Variants in TMEM131 observed in about 807,000 individuals in gnomAD.
The protein encoded by TMEM131 is 2610524E03Rik.
Under a neutral mutation model 211.6 loss-of-function variants are expected in TMEM131, and 66 were observed. The observed-to-expected ratio is 0.31, with a 90% CI of 0.26 to 0.38. TMEM131 has a LOEUF of 0.38. TMEM131 is among the 10% of genes least tolerant of loss of function. TMEM131 has a pLI of 1.00. For missense variants in TMEM131, 2,036 were observed against 2,299.3 expected (o/e 0.89, Z 2.34); for synonymous variants, 844 against 841.3 (o/e 1.00, Z -0.06).
intron 1 of TMEM131, among the ~76,000 whole-genome samples, chr2:97,935,044 C>A (rs1677384062): frequency 6.6e-6 from 1 of 151,842 alleles, no homozygotes; most frequent in South Asian, 2.1e-4. Flanking sequence ...AAAACTTTGC[C>A]CTTCACATGA....
At chr2:97,775,813 CGT>C in intron 32 of TMEM131, 28 bp downstream of exon 32, 7 of 1,591,584 alleles carry the variant, frequency 4.4e-6, no homozygotes, top group Non-Finnish European at 6.0e-6. Context: ...CTTTCTCCCT[CGT>C]GTTTTGTTGT....
At chr2:97,953,775 CTATTTTAAAA>C (rs1355506064) in intron 1 of TMEM131, among the ~76,000 whole-genome samples, 5 of 152,166 alleles carry the variant, frequency 3.3e-5, no homozygotes, top group Non-Finnish European at 2.9e-5. Context: ...CAAACCCCAA[CTATTTTAAAA>C]TAATTAAAAT....
At chr2:97,943,047 A>AAGAAAGAAAGAG (rs1677854147) in intron 1 of TMEM131, among the ~76,000 whole-genome samples, 2 of 57,196 alleles carry the variant, frequency 3.5e-5, no homozygotes. Flanking sequence ...AAAAGAAAGA[A>AAGAAAGAAAGAG]AGAAAGAAAG....
At position 97,797,004 on chromosome 2, in the gene TMEM131, T is replaced by G. The variant is rs766093757; in HGVS notation, c.2871-18A>C. ...GGTTATTTCTATGCAAGAATGAGAA[T>G]TACAGATTTTTCTCTCATTAAATCT... On this transcript the variant is annotated intron_variant, in intron 26 of 40. Coordinates refer to ENST00000186436, the MANE Select transcript of TMEM131 (RefSeq NM_015348.2). The G allele has an allele frequency of 1.2e-6, 2 of 1,602,432 alleles. No individual in the cohort carries two copies. The highest frequency in any genetic ancestry group is 1.7e-5 in the Admixed American group (1 of 58,072).
chr2:97,910,759 T>C (rs766624285), intron 2 of TMEM131, among the ~76,000 whole-genome samples: 2 of 152,162 alleles, frequency 1.3e-5, no homozygotes, highest in Non-Finnish European at 2.9e-5. Flanking sequence ...GCTGCATAAA[T>C]GTCATTATTT....
Position 97,814,552 on chromosome 2 carries a change from C to A in TMEM131, c.1293-164G>T, listed in dbSNP as rs76259724. 3.5e-3 allele frequency among the ~76,000 whole-genome samples: 525 copies of A among 152,010 alleles called. 8 individuals are homozygous for A. In the East Asian group the frequency reaches 0.042, roughly 12 times the overall value. ...TAGTGATTGACTATATGATTTAAAACAAAATTTAGCTTGCAAAATACTGAA... is the reference window on the plus strand; with the variant it reads ...TAGTGATTGACTATATGATTTAAAAAAAAATTTAGCTTGCAAAATACTGAA... On this transcript the variant is annotated intron_variant, in intron 13 of 40. Coordinates refer to ENST00000186436, the MANE Select transcript of TMEM131 (RefSeq NM_015348.2).
At chr2:97,923,483 G>A (rs1474247123) in intron 2 of TMEM131, among the ~76,000 whole-genome samples, 2 of 151,796 alleles carry the variant, frequency 1.3e-5, no homozygotes, top group African/African-American at 2.4e-5. Context: ...TTAGCCAGAT[G>A]TGGTGGCATG....
intron 33 of TMEM131, among the ~76,000 whole-genome samples, chr2:97,767,202 A>G (rs539815614): frequency 6.6e-6 from 1 of 152,344 alleles, no homozygotes; most frequent in East Asian, 1.9e-4. Context: ...AAAATTAAAT[A>G]TATTTTTTAT....
Position 97,812,799 on chromosome 2 carries a change from C to T in TMEM131, c.1618-50G>A, listed in dbSNP as rs1438181116. 1.2e-5 allele frequency: 12 copies of T among 1,026,076 alleles called. No individual in the cohort carries two copies. In the East Asian group the frequency reaches 2.7e-4, roughly 23 times the overall value. The allele number at this position is 1,026,076 out of a possible 1,614,324, so 63.6% of individuals were successfully genotyped here. On this transcript the variant is annotated intron_variant, in intron 15 of 40. Transcript: ENST00000186436. ...TTAAAAAAAAGTCACATTGATCTAA[C>T]AATATTATGAAGAGAAAGTAACTAT...
intron 1 of TMEM131, among the ~76,000 whole-genome samples, chr2:97,937,189 C>T (rs2309314): frequency 0.029 from 4,438 of 151,992 alleles, 78 homozygotes; most frequent in Middle Eastern, 0.065. Context: ...ATGAGAACAA[C>T]GCTTCACCAA....
chr2:97,989,620 TC>T (rs1416196450), intron 1 of TMEM131, among the ~76,000 whole-genome samples: 2 of 152,196 alleles, frequency 1.3e-5, no homozygotes, highest in South Asian at 2.1e-4. Flanking sequence ...TGTGTTTTTT[TC>T]ACCAAGTTTC....
At position 97,766,488 on chromosome 2, in the gene TMEM131, C is replaced by T. The variant is rs188876807; in HGVS notation, c.4563G>A (p.Gln1521=). 8.6e-5 allele frequency: 139 copies of T among 1,613,920 alleles called. 1 individual carries two copies. In the African/African-American group the frequency reaches 1.7e-3, roughly 20 times the overall value. ...ACAAGATGACAATACCTTTTGTTTT[C>T]TGGGCATTTCGTGATTTGGATCCAC... ...MTSGSKSRNA[Q]KTKGTSKLVD... is the part of the protein sequence containing the mutation. The change falls in exon 34 of 41, where the codon CAG becomes CAA. Residue 1521 remains glutamine (Q), a synonymous_variant. Transcript: ENST00000186436.
intron 11 of TMEM131, among the ~76,000 whole-genome samples, chr2:97,824,079 A>G (rs1179815054): frequency 2.0e-5 from 3 of 152,236 alleles, no homozygotes; most frequent in Admixed American, 2.0e-4. Flanking sequence ...AAAATTGAGC[A>G]GGCCAATCAC....
chr2:97,907,581 C>G (rs960553818), intron 3 of TMEM131, among the ~76,000 whole-genome samples: 6 of 152,174 alleles, frequency 3.9e-5, no homozygotes, highest in Non-Finnish European at 7.3e-5. Context: ...GTGATGACAG[C>G]AAGGGTGGGG....
chr2:97,797,027 T>C (rs764353282), intron 26 of TMEM131, 41 bp from the exon 27 acceptor site: 2 of 1,582,280 alleles, frequency 1.3e-6, no homozygotes, highest in African/African-American at 2.7e-5. Flanking sequence ...TCTCATTAAA[T>C]CTGCACAATC....
intron 11 of TMEM131, among the ~76,000 whole-genome samples, chr2:97,822,497 T>A (rs1175791227): frequency 6.6e-6 from 1 of 152,142 alleles, no homozygotes; most frequent in Non-Finnish European, 1.5e-5. Context: ...TGGGGTAAAG[T>A]CCCAACACTA....
chr2:97,810,898 G>C (rs1052402139), intron 18 of TMEM131, among the ~76,000 whole-genome samples: 1 of 152,160 alleles, frequency 6.6e-6, no homozygotes, highest in African/African-American at 2.4e-5. Context: ...ACGTGCTAAA[G>C]GCATTCTTCT....
intron 11 of TMEM131, among the ~76,000 whole-genome samples, chr2:97,827,060 G>C (rs977679315): frequency 1.3e-4 from 13 of 100,708 alleles, no homozygotes; most frequent in African/African-American, 5.0e-4. Context: ...TATTCAGTAA[G>C]TGATAAGCAA....
chr2:97,961,377 C>G (rs1215290593), intron 1 of TMEM131, among the ~76,000 whole-genome samples: 1 of 151,964 alleles, frequency 6.6e-6, no homozygotes, highest in African/African-American at 2.4e-5. Context: ...ATACAACAGC[C>G]TCCAAAAACA....
Sources: gnomAD v4.1 joint callset for allele counts (sites outside exome capture counted in the v4.1 genomes callset) on GRCh38, gnomAD v4.1.1 for gene constraint, MANE v1.5 for transcripts, NCBI Gene and HGNC (gene_info 2026-07-23, HGNC 2026-07-21) for gene names.